The following KEL variants were observed in gnomAD, a reference collection of about 807,000 sequenced individuals.
KEL encodes Kell metallo-endopeptidase (Kell blood group), also known as kell blood group glycoprotein.
Under a neutral mutation model 99.5 loss-of-function variants are expected in KEL, and 96 were observed. That is an observed-to-expected ratio of 0.97 (90% CI 0.82 to 1.14). The LOEUF is 1.14. KEL is among the 50% of genes most tolerant of loss of function. KEL has a pLI of 0.00. For missense variants in KEL, 926 were observed against 924.2 expected, an observed-to-expected ratio of 1.00 and a Z score of -0.03; for synonymous variants, 355 against 354.8, an observed-to-expected ratio of 1.00 and a Z score of -0.01.
chr7:142,960,932 T>A lies in KEL; in HGVS notation c.396A>T (p.Ile132=). The change falls in exon 4 of 19, where the codon ATA becomes ATT. Residue 132 remains isoleucine, a synonymous_variant. Coordinates refer to ENST00000355265, the MANE Select transcript of KEL (RefSeq NM_000420.3). ...ATKNKNRLRR[I]LEVQNSWHPG... ...CTTCCACCCTGCTTTCCTCACCCAGTATTCTCCGAAGTCGGTTTTTGTTCT... is the reference window on the plus strand; with the variant it reads ...CTTCCACCCTGCTTTCCTCACCCAGAATTCTCCGAAGTCGGTTTTTGTTCT... The A allele has an allele frequency of 6.2e-7, 1 of 1,614,204 alleles. No homozygotes were observed. Among genetic ancestry groups the A allele is most frequent in the Non-Finnish European group, 8.5e-7 (1 of 1,180,018 alleles).
rs1796397891 is a variant in KEL, at chr7:142,942,807, G to A, written c.1941+68C>T. 1.9e-6 allele frequency: 3 copies of A among 1,575,958 alleles called. No homozygotes were observed. In the African/African-American group the frequency reaches 4.1e-5, roughly 21 times the overall value. On this transcript the variant is annotated intron_variant, in intron 17 of 18. Coordinates refer to ENST00000355265, the MANE Select transcript of KEL (RefSeq NM_000420.3). The stretch of plus-strand genomic sequence containing the variant: ...TGTACTTGTGTCAGGAATGGTGGAA[G>A]GAAAACTTGAGGACATGTTTTCTAG...
At chr7:142,942,248 C>A (rs542974530) in intron 18 of KEL, 186 bp downstream of exon 18, 21 of 612,248 alleles carry the variant, frequency 3.4e-5, no homozygotes, top group Middle Eastern at 6.4e-4. Context: ...GTAGAAGAAC[C>A]TGTAGTCATC....
At position 142,942,424 on chromosome 7, in the gene KEL, C is replaced by T. The variant is rs202116062; in HGVS notation, c.2037+10G>A. The T allele has an allele frequency of 5.3e-4, 827 of 1,565,844 alleles. No homozygotes were observed. Among genetic ancestry groups the T allele is most frequent in the Non-Finnish European group, 6.4e-4 (739 of 1,152,818 alleles). ...AAAGCAAGCTGTGGCGGGAGGTGGC[C>T]GCTGCCTACCTGGGCATAGCTTCGA... On this transcript the variant is annotated intron_variant, in intron 18 of 18. Transcript: ENST00000355265.
At position 142,942,500 on chromosome 7, in the gene KEL, A is replaced by G. The variant is rs768309531; in HGVS notation, c.1971T>C (p.His657=). 4.8e-5 allele frequency: 77 copies of G among 1,610,150 alleles called. No individual in the cohort carries two copies. Among genetic ancestry groups the G allele is most frequent in the Non-Finnish European group, 6.4e-5 (76 of 1,178,324 alleles). ...CCAGGCTGGGCAGGACAGTCTCCCC[A>G]TGGTGCCGTAACAGCCTCTTGCTGT... The part of the protein sequence containing the change: ...QAYSKRLLRH[H]GETVLPSLDL... The change falls in exon 18 of 19, where the codon CAT becomes CAC. Residue 657 remains histidine (H), a synonymous_variant. Coordinates refer to ENST00000355265, the MANE Select transcript of KEL (RefSeq NM_000420.3).
In KEL at chr7:142,946,194, AG is replaced by A; in HGVS notation, c.1314+12del. The A allele has an allele frequency of 6.4e-7, 1 of 1,573,840 alleles. No individual in the cohort carries two copies. Among genetic ancestry groups the A allele is most frequent in the Non-Finnish European group, 8.7e-7 (1 of 1,143,724 alleles). Reference sequence around the variant, plus strand: ...GGGTGGAGGGATGTGGGCTGGGAAGAGCTCTCACATACAGCACTTCGGGTGC... The same window carrying A: ...GGGTGGAGGGATGTGGGCTGGGAAGACTCTCACATACAGCACTTCGGGTGC... On this transcript the variant is annotated intron_variant, in intron 11 of 18. Coordinates refer to ENST00000355265, the MANE Select transcript of KEL (RefSeq NM_000420.3).
At chr7:142,948,154 C>T (rs551631245) in intron 10 of KEL, among the ~76,000 whole-genome samples, 28 of 152,138 alleles carry the variant, frequency 1.8e-4, no homozygotes, top group African/African-American at 2.9e-4. Context: ...CATGCTTTGC[C>T]GTGGGACCTG....
chr7:142,943,097 T>A, intron 16 of KEL, 53 bp from the exon 17 acceptor site: 2 of 1,604,232 alleles, frequency 1.2e-6, no homozygotes, highest in Non-Finnish European at 8.5e-7. Flanking sequence ...GGGTTGGTGC[T>A]GCCTAGGTGA....
chr7:142,960,802 T>C, intron 4 of KEL, 126 bp downstream of exon 4: 1 of 1,015,446 alleles, frequency 9.8e-7, no homozygotes, highest in Non-Finnish European at 1.6e-6. Flanking sequence ...CATCCACCCG[T>C]ATAATCCCAC....
Position 142,961,477 on chromosome 7 carries a change from C to A in KEL, c.106G>T (p.Val36Leu). 6.2e-7 allele frequency: 1 copy of A among 1,604,576 alleles called. No homozygotes were observed. The highest frequency in any genetic ancestry group is 2.2e-5 in the East Asian group (1 of 44,604). Residue 36 changes from valine to leucine, a missense_variant, in exon 3 of 19, where the codon GTG (valine) becomes TTG (leucine). Transcript: ENST00000355265. ...QESTPEERLP[V>L]EGSRPWAVAR... is the part of the protein sequence containing the mutation. Reference sequence around the variant, plus strand: ...ACTGCCCATGGCCTGCTCCCTTCCACGGGCAGCCTCTCTTCTGGAGTGCTC... The same window carrying A: ...ACTGCCCATGGCCTGCTCCCTTCCAAGGGCAGCCTCTCTTCTGGAGTGCTC...
intron 10 of KEL, among the ~76,000 whole-genome samples, chr7:142,947,799 A>G (rs1274802914): frequency 6.6e-6 from 1 of 152,214 alleles, no homozygotes; most frequent in African/African-American, 2.4e-5. Flanking sequence ...CTGGGATTGC[A>G]GGCAAGAGCC....
chr7:142,961,529 T>C (rs369053560), intron 2 of KEL, 28 bp from the exon 3 acceptor site: 7 of 1,576,516 alleles, frequency 4.4e-6, no homozygotes, highest in African/African-American at 4.0e-5. Flanking sequence ...AGGTGAAAGA[T>C]ACAAGATGGG....
chr7:142,952,737 C>G, intron 9 of KEL, 99 bp from the exon 10 acceptor site: 1 of 1,350,314 alleles, frequency 7.4e-7, no homozygotes, highest in Non-Finnish European at 1.0e-6. Context: ...CTCGTGAAGG[C>G]AGCTCCTTCT....
rs559548995 is a variant in KEL at position 142,947,656 on chromosome 7, G to A, written c.1204-1339C>T. Among the ~76,000 whole-genome samples, 12 of 152,296 alleles carry A rather than the reference G, an allele frequency of 7.9e-5. No homozygotes were observed. In the South Asian group the frequency reaches 2.5e-3, roughly 32 times the overall value. On this transcript the variant is annotated intron_variant, in intron 10 of 18. Coordinates refer to ENST00000355265, the MANE Select transcript of KEL (RefSeq NM_000420.3). ...ACTTTCACCTCCCGGGTTCAAGTGA[G>A]TCTTCTGCTTCAGTCTCCCAAGTAG... is the stretch of plus-strand genomic sequence containing the variant.
chr7:142,945,011 A>G (rs8176026), intron 11 of KEL: 32,368 of 545,478 alleles, frequency 0.059, 1,743 homozygotes, highest in African/African-American at 0.22. Context: ...ATAGCCTGAC[A>G]CAGGAGAAAG....
chr7:142,951,432 G>A (rs1210345610), intron 10 of KEL, among the ~76,000 whole-genome samples: 1 of 152,162 alleles, frequency 6.6e-6, no homozygotes, highest in African/African-American at 2.4e-5. Context: ...TGTTCCTCAG[G>A]AAGACTGCTT....
In KEL at chr7:142,961,618, A is replaced by T. The variant is rs992848973; in HGVS notation, c.82-117T>A. 4 of 1,389,220 alleles carry T rather than the reference A, an allele frequency of 2.9e-6. No homozygotes were observed. The African/African-American group carries it at 5.7e-5, about 20-fold the overall frequency. The allele number at this position is 1,389,220 out of a possible 1,614,324, so 86.1% of individuals were successfully genotyped here. On this transcript the variant is annotated intron_variant, in intron 2 of 18. Transcript: ENST00000355265. ...ACAGTCCCTTTATACAGAAATAATTATCCCAATTCTTCCTAAACCCAGCCC... is the reference window on the plus strand; with the variant it reads ...ACAGTCCCTTTATACAGAAATAATTTTCCCAATTCTTCCTAAACCCAGCCC...
Position 142,952,495 on chromosome 7 carries a change from G to A in KEL, c.1203+14C>T, listed in dbSNP as rs530881079. The A allele has an allele frequency of 9.9e-6, 16 of 1,613,356 alleles. No individual in the cohort carries two copies. Among genetic ancestry groups the A allele is most frequent in the East Asian group, 4.5e-5 (2 of 44,880 alleles). ...TTCGAGTATCTGGGCAAATACACCC[G>A]CTCCTCTCCTCACCATGGGTGGTTG... On this transcript the variant is annotated intron_variant, in intron 10 of 18. Transcript: ENST00000355265.
rs1193191609 is a variant in KEL, at chr7:142,961,860, G to T, written c.16C>A (p.Gln6Lys). The T allele has an allele frequency of 5.6e-6, 9 of 1,614,036 alleles. No homozygotes were observed. The highest frequency in any genetic ancestry group is 7.6e-6 in the Non-Finnish European group (9 of 1,179,960). Residue 6 changes from glutamine to lysine, a missense_variant, in exon 2 of 19, where the codon CAA becomes AAA. By Grantham distance (53) the Gln-to-Lys change is moderately conservative (BLOSUM62 1). Coordinates refer to ENST00000355265, the MANE Select transcript of KEL (RefSeq NM_000420.3). MEGGD[Q>K]SEEEPRERSQ... is the part of the protein sequence containing the mutation. ...CGTTCCCTCGGCTCTTCCTCACTTT[G>T]GTCCCCACCTTCCTGAAGTGAGTGG...
intron 6 of KEL, among the ~76,000 whole-genome samples, chr7:142,956,438 C>CTTT (rs75808381): frequency 6.8e-6 from 1 of 147,058 alleles, no homozygotes; most frequent in Non-Finnish European, 1.5e-5. Context: ...CTCAGTAGCT[C>CTTT]TTTTTTTTTT....
Sources: gnomAD v4.1 joint callset for allele counts (sites outside exome capture counted in the v4.1 genomes callset) on GRCh38, gnomAD v4.1.1 for gene constraint, MANE v1.5 for transcripts, NCBI Gene and HGNC (gene_info 2026-07-23, HGNC 2026-07-21) for gene names.